The following SH3RF2 variants were observed in gnomAD, a reference collection of about 807,000 sequenced individuals.
SH3RF2 encodes the protein E3 ubiquitin-protein ligase SH3RF2.
A neutral mutation model predicts 59.0 loss-of-function variants in SH3RF2; 43 were observed. The observed-to-expected ratio is 0.73, with a 90% confidence interval of 0.57 to 0.94. The LOEUF (loss-of-function observed/expected upper bound fraction) is 0.94. Among genes scored for constraint, SH3RF2 ranks in the 40% least tolerant of loss-of-function variants. SH3RF2 has a pLI of 0.00. For missense variants in SH3RF2, 930 were observed against 940.1 expected (o/e 0.99, Z 0.14); for synonymous variants, 391 against 391.5 (o/e 1.00, Z 0.01).
intron 2 of SH3RF2, among the ~76,000 whole-genome samples, chr5:145,938,528 G>A (rs1023057001): frequency 1.3e-5 from 2 of 152,118 alleles, no homozygotes; most frequent in Non-Finnish European, 2.9e-5. Context: ...AAGCTTCCTA[G>A]GTTCTCCTTT....
rs1409706747 is a variant in SH3RF2 at position 146,029,157 on chromosome 5, G to C, written c.1059+15096G>C. ...AGTGCCACAGTCTTACATCCTCTGT[G>C]AGTATTGTTAATCGTTGTTACTTCT... On this transcript the variant is annotated intron_variant, in intron 5 of 9. Coordinates refer to ENST00000359120, the MANE Select transcript of SH3RF2 (RefSeq NM_152550.4). Among the ~76,000 whole-genome samples the C allele has an allele frequency of 2.0e-5, 3 of 152,212 alleles. No individual in the cohort carries two copies. In the East Asian group the frequency reaches 5.8e-4, roughly 29 times the overall value.
chr5:146,075,778 TAAA>T (rs56300547), intron 9 of SH3RF2, among the ~76,000 whole-genome samples: 80 of 76,942 alleles, frequency 1.0e-3, no homozygotes, highest in Middle Eastern at 9.8e-3. Flanking sequence ...AAATTCCATG[TAAA>T]AAAAAAAAAA....
intron 5 of SH3RF2, among the ~76,000 whole-genome samples, chr5:146,028,910 C>T (rs1370577902): frequency 1.3e-5 from 2 of 152,268 alleles, no homozygotes; most frequent in Admixed American, 6.5e-5. Flanking sequence ...AACACGAACG[C>T]GCTCCTAGCT....
intron 2 of SH3RF2, among the ~76,000 whole-genome samples, chr5:145,989,542 C>T (rs902111084): frequency 2.6e-5 from 4 of 152,176 alleles, no homozygotes; most frequent in African/African-American, 9.7e-5. Context: ...ATAACTTAGC[C>T]TGGGAAATGA....
chr5:146,013,963 G>A lies in SH3RF2; in HGVS notation c.961G>A (p.Val321Ile). 6.2e-7 allele frequency: 1 copy of A among 1,614,104 alleles called. No homozygotes were observed. Among genetic ancestry groups the A allele is most frequent in the Non-Finnish European group, 8.5e-7 (1 of 1,180,008 alleles). ...CCATTCTCCTTCAGGGCGCCATATG[G>A]TAGAGATCAGCACCCCAGTGCTCAT... Reference protein sequence around the residue: ...MVHSPSGRHMVEISTPVLISS... With the variant: ...MVHSPSGRHMIEISTPVLISS... Residue 321 changes from valine (V) to isoleucine (I), a missense_variant, in exon 5 of 10, where the codon GTA becomes ATA. Physicochemically the swap from Val to Ile is conservative, Grantham distance 29 (BLOSUM62 3). Transcript: ENST00000359120.
At chr5:146,068,602 T>A (rs1405029139) in intron 9 of SH3RF2, among the ~76,000 whole-genome samples, 1 of 152,180 alleles carries the variant, frequency 6.6e-6, no homozygotes, top group Admixed American at 6.5e-5. Flanking sequence ...AGCAAATTGG[T>A]GTCATGGAGA....
At chr5:145,950,109 TCATGTAGCTCA>T (rs35016883) in intron 2 of SH3RF2, among the ~76,000 whole-genome samples, 3,265 of 152,282 alleles carry the variant, frequency 0.021, 106 homozygotes, top group African/African-American at 0.074. Flanking sequence ...ACTACTACCA[TCATGTAGCTCA>T]CACCATGTGC....
downstream of SH3RF2, among the ~76,000 whole-genome samples, chr5:146,064,320 A>G (rs1242717777): frequency 6.6e-6 from 1 of 151,984 alleles, no homozygotes; most frequent in Non-Finnish European, 1.5e-5. Context: ...AGAATGGGGC[A>G]AAATTAGATG....
At chr5:145,947,174 A>T (rs1758031862) in intron 2 of SH3RF2, among the ~76,000 whole-genome samples, 1 of 148,538 alleles carries the variant, frequency 6.7e-6, no homozygotes, top group Non-Finnish European at 1.5e-5. Context: ...ATATATATTT[A>T]AAATAAAATT....
At chr5:146,066,137 C>A (rs1561774452), downstream of SH3RF2, among the ~76,000 whole-genome samples, 1 of 152,234 alleles carries the variant, frequency 6.6e-6, no homozygotes, top group Non-Finnish European at 1.5e-5. Context: ...CAGTCTCAAA[C>A]TGTCTGACTT....
intron 5 of SH3RF2, among the ~76,000 whole-genome samples, chr5:146,036,784 A>C (rs916818250): frequency 6.6e-6 from 1 of 152,232 alleles, no homozygotes; most frequent in African/African-American, 2.4e-5. Flanking sequence ...TGTGGTTTGA[A>C]GTGTGGGTTG....
chr5:145,966,993 C>A (rs954717567), intron 2 of SH3RF2, among the ~76,000 whole-genome samples: 15 of 152,106 alleles, frequency 9.9e-5, no homozygotes, highest in African/African-American at 3.6e-4. Flanking sequence ...TGCACTCCAA[C>A]CTGGGTGACA....
Position 146,014,078 on chromosome 5 carries a change from T to A in SH3RF2, c.1059+17T>A. 1 of 1,609,760 alleles carries A rather than the reference T, an allele frequency of 6.2e-7. No homozygotes were observed. The highest frequency in any genetic ancestry group is 8.5e-7 in the Non-Finnish European group (1 of 1,179,028). ...GTGGGACAGGTAGGGAAGAAACGCC[T>A]GGGATGAGGGCACTTTGGAGTTGGG... On this transcript the variant is annotated intron_variant, in intron 5 of 9. Coordinates refer to ENST00000359120, the MANE Select transcript of SH3RF2 (RefSeq NM_152550.4).
At chr5:146,069,746 G>T (rs1763190179) in intron 9 of SH3RF2, among the ~76,000 whole-genome samples, 1 of 151,880 alleles carries the variant, frequency 6.6e-6, no homozygotes, top group Non-Finnish European at 1.5e-5. Context: ...GCTAATTTTT[G>T]TATTTTTTGT....
chr5:146,013,601 G>C, intron 4 of SH3RF2, 146 bp from the exon 5 acceptor site: 1 of 761,634 alleles, frequency 1.3e-6, no homozygotes, highest in East Asian at 2.6e-5. Flanking sequence ...GATGGAAGCT[G>C]TTACTGTGCT....
intron 5 of SH3RF2, among the ~76,000 whole-genome samples, chr5:146,042,680 G>A (rs1762168401): frequency 1.3e-5 from 2 of 152,216 alleles, no homozygotes; most frequent in Admixed American, 1.3e-4. Context: ...CAGCAACTCT[G>A]TGCCAGGAGG....
chr5:146,010,032 C>T (rs2149990463), intron 4 of SH3RF2, among the ~76,000 whole-genome samples: 1 of 152,202 alleles, frequency 6.6e-6, no homozygotes, highest in East Asian at 1.9e-4. Context: ...TCCCCACTCC[C>T]CCCACCCCAC....
At chr5:145,949,723 T>C (rs1012431444) in intron 2 of SH3RF2, among the ~76,000 whole-genome samples, 1 of 152,168 alleles carries the variant, frequency 6.6e-6, no homozygotes, top group Non-Finnish European at 1.5e-5. Flanking sequence ...TATTGAGAGG[T>C]GATTAAAAAG....
At chr5:145,974,924 C>T (rs1759229586) in intron 2 of SH3RF2, among the ~76,000 whole-genome samples, 1 of 152,138 alleles carries the variant, frequency 6.6e-6, no homozygotes. Context: ...TTCCCAAGAA[C>T]CACCCAATTA....
Sources: gnomAD v4.1 joint callset for allele counts (sites outside exome capture counted in the v4.1 genomes callset) on GRCh38, gnomAD v4.1.1 for gene constraint, MANE v1.5 for transcripts, NCBI Gene and HGNC (gene_info 2026-07-23, HGNC 2026-07-21) for gene names.